UIMC1: variants seen among roughly 807,000 people sequenced by gnomAD.
UIMC1 encodes the protein ubiquitin interaction motif containing 1.
UIMC1 carries 42 observed loss-of-function variants against 84.9 expected under a neutral mutation model. That is an observed-to-expected ratio of 0.49 (90% CI 0.39 to 0.64). The LOEUF (loss-of-function observed/expected upper bound fraction) is 0.64, where lower values mean the gene tolerates loss of function less well. Among genes scored for constraint, UIMC1 ranks in the 30% least tolerant of loss-of-function variants. The probability of loss-of-function intolerance (pLI) is 0.00; values close to 1 mark genes in which losing one functional copy is unlikely to be tolerated. For synonymous variants in UIMC1, 281 were observed against 293.0 expected (o/e 0.96, Z 0.42); for missense variants, 825 against 847.6 (o/e 0.97, Z 0.33).
Position 176,923,635 on chromosome 5 carries a change from G to A in UIMC1, c.1598-12246C>T, listed in dbSNP as rs149206370. 4.7e-3 allele frequency among the ~76,000 whole-genome samples: 704 copies of A among 150,604 alleles called. 16 individuals are homozygous for A. In the East Asian group the frequency reaches 0.063, roughly 13 times the overall value. ...TCCCTGCACTTTGGGAGGCTGAGGC[G>A]GACAGATCACTTGAGGTCAGCAGTT... On this transcript the variant is annotated intron_variant, in intron 10 of 14. Transcript: ENST00000511320.
chr5:176,981,872 T>G (rs1006804789), intron 2 of UIMC1, among the ~76,000 whole-genome samples: 5 of 152,068 alleles, frequency 3.3e-5, no homozygotes, highest in Non-Finnish European at 7.4e-5. Context: ...AGATGAGACC[T>G]GCAGGCAGGC....
At chr5:176,911,511 T>C (rs940601275) in intron 10 of UIMC1, 122 bp from the exon 11 acceptor site, 2 of 538,602 alleles carry the variant, frequency 3.7e-6, no homozygotes, top group African/African-American at 4.0e-5. Flanking sequence ...AAGAAGTGCA[T>C]TGTTTGGGAA....
At chr5:176,994,252 C>T (rs6878297) in intron 1 of UIMC1, among the ~76,000 whole-genome samples, 57 of 151,452 alleles carry the variant, frequency 3.8e-4, no homozygotes, top group Non-Finnish European at 3.8e-4. Context: ...AAGAAGCAAG[C>T]GATATTAACA....
upstream of UIMC1, among the ~76,000 whole-genome samples, chr5:177,008,349 A>G (rs1213104432): frequency 6.6e-6 from 1 of 152,052 alleles, no homozygotes. Flanking sequence ...ATCCTTCCTC[A>G]GCTGCTGGGA....
chr5:176,957,407 T>A (rs1015807387), intron 7 of UIMC1, among the ~76,000 whole-genome samples: 2 of 152,210 alleles, frequency 1.3e-5, no homozygotes, highest in Non-Finnish European at 2.9e-5. Flanking sequence ...ATGATCCAGT[T>A]AATAGTGCAG....
intron 11 of UIMC1, among the ~76,000 whole-genome samples, chr5:176,910,614 C>T (rs2149389501): frequency 6.6e-6 from 1 of 152,326 alleles, no homozygotes; most frequent in Non-Finnish European, 1.5e-5. Context: ...TTTTGCAATT[C>T]AACTTCTGTA....
At chr5:176,987,382 A>C (rs896972035) in intron 1 of UIMC1, among the ~76,000 whole-genome samples, 1 of 152,116 alleles carries the variant, frequency 6.6e-6, no homozygotes, top group Non-Finnish European at 1.5e-5. Flanking sequence ...ACAGTGGCTC[A>C]TGTTTATAAT....
intron 2 of UIMC1, among the ~76,000 whole-genome samples, chr5:176,977,300 C>T (rs1190602285): frequency 6.6e-6 from 1 of 150,410 alleles, no homozygotes; most frequent in Non-Finnish European, 1.5e-5. Context: ...ACAGCCTCCT[C>T]AAAATATTTG....
At chr5:177,014,057 C>CTTT (rs34686520) in intron 1 of UIMC1, among the ~76,000 whole-genome samples, 16 of 122,126 alleles carry the variant, frequency 1.3e-4, no homozygotes, top group Non-Finnish European at 1.8e-4. Context: ...TTTTTCTTTT[C>CTTT]TTTTTTTTTT....
chr5:176,974,188 G>C (rs1769699006), intron 3 of UIMC1, among the ~76,000 whole-genome samples: 1 of 152,128 alleles, frequency 6.6e-6, no homozygotes, highest in Admixed American at 6.5e-5. Context: ...ACATTATAAA[G>C]CTACATTAAT....
At chr5:176,984,074 G>T (rs1445193055) in intron 1 of UIMC1, among the ~76,000 whole-genome samples, 37 of 106,720 alleles carry the variant, frequency 3.5e-4, no homozygotes, top group Non-Finnish European at 3.7e-4. Context: ...CTGCCCGGCC[G>T]CCCCGTCTGG....
intron 2 of UIMC1, among the ~76,000 whole-genome samples, chr5:176,977,727 T>C (rs1482449241): frequency 2.7e-5 from 4 of 150,810 alleles, no homozygotes; most frequent in Non-Finnish European, 5.9e-5. Flanking sequence ...CTGGCCAACA[T>C]GGTAAAACCC....
chr5:176,907,060 C>T, intron 13 of UIMC1, 54 bp downstream of exon 13: 1 of 1,577,958 alleles, frequency 6.3e-7, no homozygotes, highest in Admixed American at 1.7e-5. Flanking sequence ...CAATGGCTAT[C>T]TTCACTGAAA....
At chr5:176,993,083 G>A (rs185653337) in intron 1 of UIMC1, among the ~76,000 whole-genome samples, 220 of 151,824 alleles carry the variant, frequency 1.4e-3, no homozygotes, top group Non-Finnish European at 2.7e-3. Context: ...CTACTGGGGA[G>A]GCTGAGGCAT....
chr5:176,949,115 T>A (rs1030378132), intron 9 of UIMC1, among the ~76,000 whole-genome samples: 7 of 151,828 alleles, frequency 4.6e-5, no homozygotes, highest in African/African-American at 1.2e-4. Context: ...TTATTTATTT[T>A]TTTAAATTTT....
chr5:176,930,971 T>G (rs1405329994), intron 10 of UIMC1, among the ~76,000 whole-genome samples: 4 of 152,238 alleles, frequency 2.6e-5, no homozygotes, highest in Non-Finnish European at 4.4e-5. Context: ...TGAAACCGAC[T>G]GAGGCTTCCA....
Position 176,968,852 on chromosome 5 carries a change from C to G in UIMC1, c.903G>C (p.Glu301Asp). 1 of 1,614,148 alleles carries G rather than the reference C, an allele frequency of 6.2e-7. No individual in the cohort carries two copies. The highest frequency in any genetic ancestry group is 8.5e-7 in the Non-Finnish European group (1 of 1,180,028). Residue 301 changes from glutamate to aspartate, a missense_variant, in exon 6 of 15, where the codon GAG (glutamate) becomes GAC (aspartate). By Grantham distance (45) the Glu-to-Asp change is conservative. Transcript: ENST00000511320. ...QYTKVILCQL[E>D]VYQKSLKMAQ... ...CCATTTTCAGGCTCTTTTGATAAAC[C>G]TCCAACTGGCAGAGAATGACCTTGG... is the stretch of plus-strand genomic sequence containing the variant.
rs764932856 is a variant in UIMC1 at position 176,982,558 on chromosome 5, T to C, written c.58A>G (p.Lys20Glu). Reference protein sequence around the residue: ...EVSESRNLEKKDVETTSSVSV... With the variant: ...EVSESRNLEKEDVETTSSVSV... ...ACAGAACTGGTAGTTTCCACATCCT[T>C]CTTCTCCAGGTTCCGAGATTCGGAG... Residue 20 changes from lysine to glutamate, a missense_variant, in exon 2 of 15, where the codon AAG becomes GAG. Transcript: ENST00000511320. The C allele has an allele frequency of 6.6e-5, 107 of 1,614,018 alleles. No individual in the cohort carries two copies. Among genetic ancestry groups the C allele is most frequent in the Non-Finnish European group, 7.9e-5 (93 of 1,180,022 alleles).
In UIMC1 at chr5:176,905,448, A is replaced by G; in HGVS notation, c.1994T>C (p.Met665Thr). ...GTCACGACGTGTGAAAGAACTCTGC[A>G]TCTCTCTGCTGCAGCCTGCCTCTTC... ...GMEEAGCSRE[M>T]QSSFTRRDLN... Residue 665 changes from methionine to threonine, a missense_variant, in exon 15 of 15, where the codon ATG becomes ACG. Transcript: ENST00000511320. 2 of 1,614,162 alleles carry G rather than the reference A, an allele frequency of 1.2e-6. No individual in the cohort carries two copies. Among genetic ancestry groups the G allele is most frequent in the Non-Finnish European group, 1.7e-6 (2 of 1,180,004 alleles).
Sources: gnomAD v4.1 joint callset for allele counts (sites outside exome capture counted in the v4.1 genomes callset) on GRCh38, gnomAD v4.1.1 for gene constraint, MANE v1.5 for transcripts, NCBI Gene and HGNC (gene_info 2026-07-23, HGNC 2026-07-21) for gene names.